The following CRACD variants were observed in gnomAD, a reference collection of about 807,000 sequenced individuals.
CRACD encodes the protein capping protein inhibiting regulator of actin dynamics.
A neutral mutation model predicts 106.8 loss-of-function variants in CRACD; 56 were observed. The observed-to-expected ratio is 0.52, with a 90% CI of 0.42 to 0.66. The LOEUF is 0.66. Ranked by LOEUF, CRACD falls within the 30% of genes least tolerant of loss-of-function variation. The probability of loss-of-function intolerance (pLI) is 0.00; values close to 1 mark genes in which losing one functional copy is unlikely to be tolerated. For missense variants in CRACD, 1,730 were observed against 1,623.2 expected, an observed-to-expected ratio of 1.07 and a Z score of -1.13; for synonymous variants, 754 against 670.8, an observed-to-expected ratio of 1.12 and a Z score of -1.92.
intron 5 of CRACD, 94 bp from the exon 6 acceptor site, chr4:56,310,571 AG>A (rs1745082411): frequency 1.1e-5 from 9 of 815,732 alleles, no homozygotes; most frequent in South Asian, 9.1e-5. Context: ...TGTGTAGAGG[AG>A]GGGGTGACCC....
intron 2 of CRACD, among the ~76,000 whole-genome samples, chr4:56,206,012 C>A (rs1174631685): frequency 6.6e-6 from 1 of 152,152 alleles, no homozygotes; most frequent in Non-Finnish European, 1.5e-5. Context: ...AAATATGGGA[C>A]TTTCACCATG....
chr4:56,081,316 C>CCCACTGAGATAGCG (rs1733016103), intron 1 of CRACD, among the ~76,000 whole-genome samples: 1 of 152,146 alleles, frequency 6.6e-6, no homozygotes, highest in African/African-American at 2.4e-5. Flanking sequence ...ATACAAGGAT[C>CCCACTGAGATAGCG]CCACTGAGAT....
intron 3 of CRACD, among the ~76,000 whole-genome samples, chr4:56,279,757 C>T (rs892123480): frequency 6.6e-6 from 1 of 152,144 alleles, no homozygotes; most frequent in African/African-American, 2.4e-5. Context: ...GGATTTAGAA[C>T]TAGAATACCA....
At chr4:56,141,588 C>A (rs1735198134) in intron 1 of CRACD, among the ~76,000 whole-genome samples, 1 of 150,530 alleles carries the variant, frequency 6.6e-6, no homozygotes, top group South Asian at 2.1e-4. Flanking sequence ...CAGAGTGAGA[C>A]TCTGTCTCAA....
intron 1 of CRACD, among the ~76,000 whole-genome samples, chr4:56,139,996 T>C (rs966693422): frequency 1.3e-5 from 2 of 152,204 alleles, no homozygotes; most frequent in African/African-American, 4.8e-5. Flanking sequence ...AAATTTTGTA[T>C]GTTTTCGCAA....
In CRACD at chr4:56,328,956, G is replaced by A. The variant is rs557724693; in HGVS notation, c.*1152G>A. 1.7e-4 allele frequency among the ~76,000 whole-genome samples: 26 copies of A among 152,188 alleles called. No homozygotes were observed. The highest frequency in any genetic ancestry group is 3.4e-4 in the Non-Finnish European group (23 of 68,028). On this transcript the variant is annotated 3_prime_UTR_variant, in exon 11 of 11. Transcript: ENST00000682029. ...CAAGATTTGGAGCCTTTGTAATAAGGACTTCCTGCAGAAAGTCTTTTCTTT... is the reference window on the plus strand; with the variant it reads ...CAAGATTTGGAGCCTTTGTAATAAGAACTTCCTGCAGAAAGTCTTTTCTTT...
At position 56,316,261 on chromosome 4, in the gene CRACD, C is replaced by A. The variant is rs972806193; in HGVS notation, c.2759C>A (p.Ser920Tyr). 1 of 1,613,864 alleles carries A rather than the reference C, an allele frequency of 6.2e-7. No individual in the cohort carries two copies. The highest frequency in any genetic ancestry group is 1.3e-5 in the African/African-American group (1 of 74,926). ...RKQAPSTRRD[S>Y]AEPSSSRSVP... is the part of the protein sequence containing the mutation. Reference sequence around the variant, plus strand: ...CAAGCCCCTTCCACCCGGAGGGACTCCGCTGAACCTTCCAGCAGCCGCTCT... The same window carrying A: ...CAAGCCCCTTCCACCCGGAGGGACTACGCTGAACCTTCCAGCAGCCGCTCT... Residue 920 changes from serine (S) to tyrosine (Y), a missense_variant, in exon 8 of 11, where the codon TCC (serine) becomes TAC (tyrosine). Transcript: ENST00000682029.
At chr4:56,081,454 A>G (rs1289237951) in intron 1 of CRACD, among the ~76,000 whole-genome samples, 1 of 152,200 alleles carries the variant, frequency 6.6e-6, no homozygotes, top group Admixed American at 6.5e-5. Flanking sequence ...TGATGTCATG[A>G]AGTGTTAAAT....
chr4:56,183,431 T>TTA (rs1736940451), intron 2 of CRACD, among the ~76,000 whole-genome samples: 1 of 152,166 alleles, frequency 6.6e-6, no homozygotes, highest in Non-Finnish European at 1.5e-5. Flanking sequence ...GAACCTTATT[T>TTA]TAGGCATGGT....
At chr4:56,057,068 C>T (rs188225947) in intron 1 of CRACD, among the ~76,000 whole-genome samples, 9 of 152,176 alleles carry the variant, frequency 5.9e-5, no homozygotes. Context: ...ATTAATGTTA[C>T]CATTTTTTTA....
At chr4:56,266,607 T>C (rs1489859498) in intron 2 of CRACD, among the ~76,000 whole-genome samples, 2 of 152,232 alleles carry the variant, frequency 1.3e-5, no homozygotes, top group African/African-American at 4.8e-5. Context: ...GCAGACGTGC[T>C]CTGTTTCACT....
At chr4:56,211,687 G>T (rs1336195929) in intron 2 of CRACD, among the ~76,000 whole-genome samples, 1 of 152,144 alleles carries the variant, frequency 6.6e-6, no homozygotes, top group Non-Finnish European at 1.5e-5. Context: ...TCACAATTGG[G>T]GAGCGCGTGC....
Position 56,315,306 on chromosome 4 carries a change from C to G in CRACD, c.1804C>G (p.Gln602Glu). Reference protein sequence around the residue: ...PHTAILVTGAQLCGPAVNLSQ... With the variant: ...PHTAILVTGAELCGPAVNLSQ... Reference sequence around the variant, plus strand: ...CACCGCCATTCTGGTCACGGGCGCGCAGCTCTGTGGCCCGGCAGTCAACCT... The same window carrying G: ...CACCGCCATTCTGGTCACGGGCGCGGAGCTCTGTGGCCCGGCAGTCAACCT... The change falls in exon 8 of 11, where the codon CAG becomes GAG. Residue 602 changes from glutamine to glutamate, a missense_variant. By Grantham distance (29) the Gln-to-Glu change is conservative (BLOSUM62 2). Coordinates refer to ENST00000682029, the MANE Select transcript of CRACD (RefSeq NM_001393381.1). This position sits in a 1 kb window ranked among gnomAD's most constrained non-coding sequence, Gnocchi z 4.1. 4 of 1,613,890 alleles carry G rather than the reference C, an allele frequency of 2.5e-6. No homozygotes were observed. Among genetic ancestry groups the G allele is most frequent in the Non-Finnish European group, 3.4e-6 (4 of 1,179,960 alleles).
At chr4:56,081,811 A>G (rs1733041872) in intron 1 of CRACD, among the ~76,000 whole-genome samples, 1 of 152,054 alleles carries the variant, frequency 6.6e-6, no homozygotes, top group Non-Finnish European at 1.5e-5. Context: ...CCCCATCTCT[A>G]CTAAAAATAC....
chr4:56,242,374 AT>A (rs1186063680), intron 2 of CRACD, among the ~76,000 whole-genome samples: 3 of 152,162 alleles, frequency 2.0e-5, no homozygotes, highest in Non-Finnish European at 4.4e-5. Flanking sequence ...GATGAAAAAA[AT>A]GTTTCCAGTT....
intron 3 of CRACD, among the ~76,000 whole-genome samples, chr4:56,286,777 C>G (rs554834785): frequency 6.6e-6 from 1 of 151,990 alleles, no homozygotes; most frequent in Non-Finnish European, 1.5e-5. Flanking sequence ...CCACTGCTGC[C>G]GTGGTCAGGG....
chr4:56,098,523 T>A (rs1405494916), intron 1 of CRACD, among the ~76,000 whole-genome samples: 7 of 152,014 alleles, frequency 4.6e-5, no homozygotes, highest in African/African-American at 1.7e-4. Flanking sequence ...TGATGTACTC[T>A]GTAAGAGTAA....
chr4:56,314,410 C>G lies in CRACD; in HGVS notation c.908C>G (p.Ala303Gly), dbSNP rs911906391. The G allele has an allele frequency of 1.3e-6, 2 of 1,540,992 alleles. No individual in the cohort carries two copies. Among genetic ancestry groups the G allele is most frequent in the Non-Finnish European group, 1.7e-6 (2 of 1,143,526 alleles). Residue 303 changes from alanine (A) to glycine (G), a missense_variant, in exon 8 of 11, where the codon GCG becomes GGG. Coordinates refer to ENST00000682029, the MANE Select transcript of CRACD (RefSeq NM_001393381.1). The surrounding 1 kb of genome is among the most constrained non-coding windows in gnomAD (Gnocchi z 4.4). Reference sequence around the variant, plus strand: ...CTGGAAGCGCCAGGTTGGGAGGACGCGGAGCGGAGGGAGCGTGAGGAGCGC... The same window carrying G: ...CTGGAAGCGCCAGGTTGGGAGGACGGGGAGCGGAGGGAGCGTGAGGAGCGC... ...RSLEAPGWED[A>G]ERREREERER...
chr4:56,070,312 TTTTTTGAGACGGAGTCTCGC>T (rs1254984249), intron 1 of CRACD, among the ~76,000 whole-genome samples: 1 of 149,616 alleles, frequency 6.7e-6, no homozygotes, highest in Admixed American at 6.7e-5. Flanking sequence ...TTTTTTTTTT[TTTTTTGAGACGGAGTCTCGC>T]TCTGTCGCCC....
Sources: gnomAD v4.1 joint callset for allele counts (sites outside exome capture counted in the v4.1 genomes callset) on GRCh38, gnomAD v4.1.1 for gene constraint, Gnocchi (gnomAD v3.1) non-coding constraint, MANE v1.5 for transcripts, NCBI Gene and HGNC (gene_info 2026-07-23, HGNC 2026-07-21) for gene names.